The following KCNIP1 variants were observed in gnomAD, a reference collection of about 807,000 sequenced individuals.
The protein encoded by KCNIP1 is potassium voltage-gated channel interacting protein 1.
Under a neutral mutation model 33.0 loss-of-function variants are expected in KCNIP1, and 18 were observed. That is an observed-to-expected ratio of 0.55 (90% confidence interval 0.38 to 0.81). The LOEUF is 0.81. Ranked by LOEUF, KCNIP1 falls within the 30% of genes least tolerant of loss-of-function variation. KCNIP1 has a pLI of 0.00. For synonymous variants in KCNIP1, 93 were observed against 98.3 expected, an observed-to-expected ratio of 0.95 and a Z score of 0.32; for missense variants, 238 against 271.6, an observed-to-expected ratio of 0.88 and a Z score of 0.87.
chr5:170,510,205 G>A (rs1754880633), intron 1 of KCNIP1, among the ~76,000 whole-genome samples: 2 of 152,154 alleles, frequency 1.3e-5, no homozygotes, highest in Admixed American at 1.3e-4. Flanking sequence ...TTTCCCCATA[G>A]CTGCTGCTGC....
At chr5:170,483,347 T>C (rs1391000270) in intron 1 of KCNIP1, among the ~76,000 whole-genome samples, 2 of 152,238 alleles carry the variant, frequency 1.3e-5, no homozygotes, top group Admixed American at 1.3e-4. Flanking sequence ...ACTGGGATAT[T>C]GCACAGATCT....
chr5:170,503,405 A>AAG (rs1391200166), upstream of KCNIP1, among the ~76,000 whole-genome samples: 5 of 151,146 alleles, frequency 3.3e-5, no homozygotes, highest in African/African-American at 7.3e-5. Flanking sequence ...AAAAAAAAAA[A>AAG]AAAAGAAAAA....
At chr5:170,388,455 T>C (rs1352677741) in intron 1 of KCNIP1, among the ~76,000 whole-genome samples, 14 of 152,178 alleles carry the variant, frequency 9.2e-5, no homozygotes, top group Admixed American at 5.9e-4. Context: ...AGTTAGACTG[T>C]AAGAAGAACT....
chr5:170,429,864 C>G (rs1268197524), intron 1 of KCNIP1, among the ~76,000 whole-genome samples: 1 of 152,160 alleles, frequency 6.6e-6, no homozygotes, highest in African/African-American at 2.4e-5. Context: ...ACTAACAAAC[C>G]TTTGTGAAAT....
At chr5:170,624,146 A>G (rs1302203169) in intron 1 of KCNIP1, among the ~76,000 whole-genome samples, 2 of 152,260 alleles carry the variant, frequency 1.3e-5, no homozygotes, top group Non-Finnish European at 2.9e-5. Flanking sequence ...AAAGATTCGA[A>G]CAGCATAATC....
chr5:170,449,608 A>G (rs1443810038), intron 1 of KCNIP1, among the ~76,000 whole-genome samples: 4 of 152,244 alleles, frequency 2.6e-5, no homozygotes, highest in African/African-American at 4.8e-5. Context: ...AAAAATTAGA[A>G]GCACCTACTC....
At chr5:170,561,751 G>A (rs545705488) in intron 1 of KCNIP1, among the ~76,000 whole-genome samples, 23 of 152,296 alleles carry the variant, frequency 1.5e-4, no homozygotes, top group South Asian at 8.3e-4. Flanking sequence ...GTATATATTC[G>A]TTGAGTTCCC....
intron 1 of KCNIP1, among the ~76,000 whole-genome samples, chr5:170,641,389 G>A (rs1035830920): frequency 6.6e-6 from 1 of 152,186 alleles, no homozygotes; most frequent in Admixed American, 6.5e-5. Flanking sequence ...GGGGCTGCTC[G>A]GGCCCAGTCC....
At chr5:170,615,839 T>A (rs1277372546) in intron 1 of KCNIP1, among the ~76,000 whole-genome samples, 1 of 152,258 alleles carries the variant, frequency 6.6e-6, no homozygotes, top group Non-Finnish European at 1.5e-5. Flanking sequence ...TAAGGATTAA[T>A]TGAGTTGGTA....
At chr5:170,493,180 T>A (rs954270437) in intron 1 of KCNIP1, among the ~76,000 whole-genome samples, 3 of 152,094 alleles carry the variant, frequency 2.0e-5, no homozygotes, top group East Asian at 3.9e-4. Context: ...TGTATCTGTA[T>A]CCCCCACCAA....
At chr5:170,488,329 T>G (rs1757139270) in intron 1 of KCNIP1, among the ~76,000 whole-genome samples, 1 of 152,184 alleles carries the variant, frequency 6.6e-6, no homozygotes, top group Non-Finnish European at 1.5e-5. Flanking sequence ...GGCAGAGGCA[T>G]GCTTCATGAG....
chr5:170,360,534 C>T (rs931895447), intron 1 of KCNIP1, among the ~76,000 whole-genome samples: 81 of 152,298 alleles, frequency 5.3e-4, no homozygotes, highest in African/African-American at 1.8e-3. Flanking sequence ...TTCTATGATA[C>T]GACCTTGGAT....
At chr5:170,572,560 G>A (rs934469496) in intron 1 of KCNIP1, among the ~76,000 whole-genome samples, 1 of 152,172 alleles carries the variant, frequency 6.6e-6, no homozygotes. Flanking sequence ...GAAATCACTC[G>A]CACATTGTTC....
chr5:170,616,913 G>A (rs1759397416), intron 1 of KCNIP1, among the ~76,000 whole-genome samples: 1 of 151,878 alleles, frequency 6.6e-6, no homozygotes, highest in Admixed American at 6.6e-5. Flanking sequence ...ATGTCCCTGA[G>A]CTGGGCTAGG....
At chr5:170,357,150 C>T (rs1160467048) in intron 1 of KCNIP1, among the ~76,000 whole-genome samples, 1 of 151,470 alleles carries the variant, frequency 6.6e-6, no homozygotes. Context: ...AAAAAAATTT[C>T]AAACCACGAA....
chr5:170,611,479 A>C (rs1005213246), intron 1 of KCNIP1, among the ~76,000 whole-genome samples: 2 of 152,246 alleles, frequency 1.3e-5, no homozygotes, highest in African/African-American at 4.8e-5. Flanking sequence ...TTAATTGATT[A>C]GAGCAGGAAA....
upstream of KCNIP1, among the ~76,000 whole-genome samples, chr5:170,499,835 A>G (rs4867607): frequency 0.67 from 102,131 of 152,042 alleles, 35,338 homozygotes; most frequent in South Asian, 0.76. Context: ...TGCAGGTCTG[A>G]CAATCTCACT....
intron 1 of KCNIP1, among the ~76,000 whole-genome samples, chr5:170,392,725 G>A (rs996031224): frequency 3.3e-5 from 5 of 152,206 alleles, no homozygotes; most frequent in African/African-American, 7.2e-5. Context: ...CTGGGAAGCC[G>A]AGGCATGAAA....
intron 1 of KCNIP1, among the ~76,000 whole-genome samples, chr5:170,687,013 C>T (rs75927686): frequency 0.021 from 3,148 of 152,056 alleles, 58 homozygotes; most frequent in Non-Finnish European, 0.032. Context: ...GGGGCTGATC[C>T]TCCCCCATTC....
Sources: allele counts gnomAD v4.1 joint callset (sites outside exome capture counted in the v4.1 genomes callset), GRCh38; gene constraint gnomAD v4.1.1; transcripts MANE v1.5; gene names NCBI Gene and HGNC (gene_info 2026-07-23, HGNC 2026-07-21).